The following PRKCZ variants were observed in gnomAD, a reference collection of about 807,000 sequenced individuals.
PRKCZ encodes the protein protein kinase C zeta type.
PRKCZ carries 33 observed loss-of-function variants against 79.5 expected under a neutral mutation model. The ratio of observed to expected loss-of-function variants is 0.41; its 90% CI spans 0.31 to 0.55. The LOEUF is 0.55. Ranked by LOEUF, PRKCZ falls within the 20% of genes least tolerant of loss-of-function variation. PRKCZ has a pLI of 0.19. For missense variants in PRKCZ, 578 were observed against 813.5 expected, an observed-to-expected ratio of 0.71 and a Z score of 3.52; for synonymous variants, 342 against 320.9, an observed-to-expected ratio of 1.07 and a Z score of -0.70.
chr1:2,086,531 C>G (rs571714871), intron 4 of PRKCZ, among the ~76,000 whole-genome samples: 30 of 152,302 alleles, frequency 2.0e-4, no homozygotes, highest in Non-Finnish European at 3.4e-4. Context: ...GTGTGTTGCT[C>G]GCATCCGGGC....
At chr1:2,068,776 C>T (rs1485140304) in intron 4 of PRKCZ, among the ~76,000 whole-genome samples, 5 of 152,194 alleles carry the variant, frequency 3.3e-5, no homozygotes, top group Non-Finnish European at 5.9e-5. Flanking sequence ...CCCAGGCCCC[C>T]GCCCCGTGAG....
In PRKCZ at chr1:2,094,020, G is replaced by A. The variant is rs1050343383; in HGVS notation, c.334+34429G>A. On this transcript the variant is annotated intron_variant, in intron 4 of 17. Coordinates refer to ENST00000378567, the MANE Select transcript of PRKCZ (RefSeq NM_002744.6). The surrounding 1 kb of genome is among the most constrained non-coding windows in gnomAD (Gnocchi z 7.3). ...CCTGACACGTGTGTCTGCTCCCTGC[G>A]GCACGTCCACAGCACCTGCCAGCCC... Among the ~76,000 whole-genome samples the A allele has an allele frequency of 2.0e-5, 3 of 152,132 alleles. No individual in the cohort carries two copies. The highest frequency in any genetic ancestry group is 4.8e-5 in the African/African-American group (2 of 41,400).
rs74979534 is a variant in PRKCZ at position 2,100,136 on chromosome 1, C to T, written c.335-35126C>T. Among the ~76,000 whole-genome samples the T allele has an allele frequency of 2.7e-3, 411 of 152,330 alleles. 15 individuals carry two copies. In the East Asian group the frequency reaches 0.064, roughly 24 times the overall value. The stretch of plus-strand genomic sequence containing the variant: ...GGCCAGTGGGGAGACAGCTCAGTCT[C>T]GGCCCTGCTTCCGACCCCACCACCA... On this transcript the variant is annotated intron_variant, in intron 4 of 17. Coordinates refer to ENST00000378567, the MANE Select transcript of PRKCZ (RefSeq NM_002744.6).
At chr1:2,121,678 T>TA (rs1672039865) in intron 4 of PRKCZ, among the ~76,000 whole-genome samples, 2 of 93,114 alleles carry the variant, frequency 2.1e-5, no homozygotes, top group African/African-American at 1.0e-4. Context: ...GTGGTGGTGG[T>TA]TAGGGTCACG....
chr1:2,154,729 C>A (rs1571871371), intron 9 of PRKCZ, among the ~76,000 whole-genome samples: 1 of 152,312 alleles, frequency 6.6e-6, no homozygotes, highest in South Asian at 2.1e-4. Flanking sequence ...AGGGGTTGAC[C>A]TAGGAAGGCT....
At chr1:2,053,502 G>A (rs997571708) in intron 1 of PRKCZ, among the ~76,000 whole-genome samples, 2 of 152,206 alleles carry the variant, frequency 1.3e-5, no homozygotes, top group African/African-American at 4.8e-5. Context: ...CGGCCCAGCT[G>A]GCTGCTGGGT....
chr1:2,114,406 T>C (rs1670333613), intron 4 of PRKCZ, among the ~76,000 whole-genome samples: 1 of 152,176 alleles, frequency 6.6e-6, no homozygotes, highest in South Asian at 2.1e-4. Context: ...GTCACAAAAA[T>C]AATCAAACAG....
chr1:2,068,112 C>T (rs1000365939), intron 4 of PRKCZ, among the ~76,000 whole-genome samples: 10 of 152,222 alleles, frequency 6.6e-5, no homozygotes, highest in South Asian at 2.1e-4. Context: ...GGGGCAGCAG[C>T]GAGAGCAAGG....
chr1:2,073,238 C>T (rs1349924478), intron 4 of PRKCZ, among the ~76,000 whole-genome samples: 2 of 152,112 alleles, frequency 1.3e-5, no homozygotes, highest in Non-Finnish European at 1.5e-5. Flanking sequence ...CTTTCCTGTT[C>T]CTGCCCCCCA....
chr1:2,143,123 G>T (rs2103104049), intron 5 of PRKCZ: 2 of 151,728 alleles, frequency 1.3e-5, no homozygotes, highest in African/African-American at 4.8e-5. Context: ...CCGCCTCCGG[G>T]GTTCACGCCA....
In PRKCZ at chr1:2,069,480, T is replaced by C. The variant is rs568512294; in HGVS notation, c.334+9889T>C. Among the ~76,000 whole-genome samples the C allele has an allele frequency of 6.6e-5, 10 of 152,366 alleles. No homozygotes were observed. The South Asian group carries it at 2.1e-3, about 32-fold the overall frequency. ...GACCTGTTTAGTGGTGCCTTTTCTTTACCTGTAAAACGGGGTGATTGTAAA... is the reference window on the plus strand; with the variant it reads ...GACCTGTTTAGTGGTGCCTTTTCTTCACCTGTAAAACGGGGTGATTGTAAA... On this transcript the variant is annotated intron_variant, in intron 4 of 17. Coordinates refer to ENST00000378567, the MANE Select transcript of PRKCZ (RefSeq NM_002744.6).
In PRKCZ at chr1:2,150,925, G is replaced by A. The variant is rs755171004; in HGVS notation, c.823G>A (p.Asp275Asn). ...TCTCCTGGTGCGGTTGAAGAAGAAT[G>A]ACCAAATTTACGCCATGAAAGTGGT... ...KVLLVRLKKN[D>N]QIYAMKVVKK... The change falls in exon 9 of 18, where the codon GAC becomes AAC. Residue 275 changes from aspartate to asparagine, a missense_variant. By Grantham distance (23) the Asp-to-Asn change is conservative. Coordinates refer to ENST00000378567, the MANE Select transcript of PRKCZ (RefSeq NM_002744.6). 3.7e-6 allele frequency: 6 copies of A among 1,614,156 alleles called. No homozygotes were observed. Among genetic ancestry groups the A allele is most frequent in the Non-Finnish European group, 4.2e-6 (5 of 1,180,042 alleles).
At chr1:2,083,686 C>G (rs1571243637) in intron 4 of PRKCZ, among the ~76,000 whole-genome samples, 2 of 151,992 alleles carry the variant, frequency 1.3e-5, no homozygotes, top group South Asian at 4.2e-4. Context: ...GGGGTGAATT[C>G]CAGTGTGTCA....
rs1683211755 is a variant in PRKCZ, at chr1:2,165,832, G to A, written c.975-3686G>A. On this transcript the variant is annotated intron_variant, in intron 10 of 17. Transcript: ENST00000378567. The surrounding 1 kb of genome is among the most constrained non-coding windows in gnomAD (Gnocchi z 4.1). Reference sequence around the variant, plus strand: ...CCTTGCATTCCTGGAAGGGGTGGGGGGAGTGGCGAGGAGGGGGCGGCACCA... The same window carrying A: ...CCTTGCATTCCTGGAAGGGGTGGGGAGAGTGGCGAGGAGGGGGCGGCACCA... Among the ~76,000 whole-genome samples, 1 of 152,146 alleles carries A rather than the reference G, an allele frequency of 6.6e-6. No homozygotes were observed. The highest frequency in any genetic ancestry group is 1.5e-5 in the Non-Finnish European group (1 of 68,016).
intron 10 of PRKCZ, among the ~76,000 whole-genome samples, chr1:2,166,901 C>A (rs769969562): frequency 6.6e-6 from 1 of 152,222 alleles, no homozygotes; most frequent in Non-Finnish European, 1.5e-5. Flanking sequence ...CCAAGTGGGC[C>A]GAGCCCATGT....
At position 2,185,388 on chromosome 1, in the gene PRKCZ, A is replaced by G; in HGVS notation, c.*379A>G. The G allele has an allele frequency of 1.4e-6, 1 of 718,862 alleles. No individual in the cohort carries two copies. Among genetic ancestry groups the G allele is most frequent in the Non-Finnish European group, 2.6e-6 (1 of 385,144 alleles). The allele number at this position is 718,862 out of a possible 1,614,324, so 44.5% of individuals were successfully genotyped here. A position where few individuals can be genotyped will look rare whatever the true frequency, so the allele number is the denominator to read the frequency against. ...TCCTGAGGAATAAAATGTTCCGATG[A>G]TGTGGAAGCTCCTCTGATGCCTTTT... On this transcript the variant is annotated 3_prime_UTR_variant, in exon 18 of 18. Transcript: ENST00000378567.
At chr1:2,077,569 T>A (rs1294117126) in intron 4 of PRKCZ, among the ~76,000 whole-genome samples, 1 of 152,208 alleles carries the variant, frequency 6.6e-6, no homozygotes, top group Non-Finnish European at 1.5e-5. Context: ...AAAGTTTGCA[T>A]TGTACATTAT....
At chr1:2,067,370 C>T (rs543745081) in intron 4 of PRKCZ, among the ~76,000 whole-genome samples, 18 of 152,256 alleles carry the variant, frequency 1.2e-4, no homozygotes, top group Middle Eastern at 3.4e-3. Flanking sequence ...TTCTGTGATG[C>T]GATTCACCCT....
At chr1:2,071,981 A>C (rs770859453) in intron 4 of PRKCZ, among the ~76,000 whole-genome samples, 3 of 152,228 alleles carry the variant, frequency 2.0e-5, no homozygotes, top group Non-Finnish European at 4.4e-5. Flanking sequence ...GTGTTTCAAA[A>C]TATTATCCTT....
Sources: gnomAD v4.1 joint callset for allele counts (sites outside exome capture counted in the v4.1 genomes callset) on GRCh38, gnomAD v4.1.1 for gene constraint, Gnocchi (gnomAD v3.1) non-coding constraint, MANE v1.5 for transcripts, NCBI Gene and HGNC (gene_info 2026-07-23, HGNC 2026-07-21) for gene names.